The following EPHB2 variants were observed in gnomAD, a reference collection of about 807,000 sequenced individuals.
EPHB2 encodes the protein ephrin type-B receptor 2.
EPHB2 carries 18 observed loss-of-function variants against 96.4 expected under a neutral mutation model. The observed-to-expected ratio is 0.19, with a 90% confidence interval of 0.13 to 0.28. The LOEUF (loss-of-function observed/expected upper bound fraction) is 0.28. Among genes scored for constraint, EPHB2 ranks in the 10% least tolerant of loss-of-function variants. The pLI, the probability that EPHB2 is intolerant of heterozygous loss-of-function variation, is 1.00. For missense variants in EPHB2, 989 were observed against 1,355.4 expected, an observed-to-expected ratio of 0.73 and a Z score of 4.25; for synonymous variants, 506 against 534.1, an observed-to-expected ratio of 0.95 and a Z score of 0.72.
In EPHB2 at chr1:22,859,295, GGT is replaced by G. The variant is rs201063891; in HGVS notation, c.812-3740_812-3739del. 9.3e-3 allele frequency among the ~76,000 whole-genome samples: 1,183 copies of G among 127,250 alleles called. 49 individuals carry two copies. Among genetic ancestry groups the G allele is most frequent in the African/African-American group, 0.035 (996 of 28,134 alleles). The allele number at this position is 127,250 out of a possible 152,430, so 83.5% of individuals were successfully genotyped here. ...AAAGCCAGGGGTGTGGGGTGGGCCTGGTGGGGGGGGGGGTATTGTACCTAGGT... is the reference window on the plus strand; with the variant it reads ...AAAGCCAGGGGTGTGGGGTGGGCCTGGGGGGGGGGGGTATTGTACCTAGGT... On this transcript the variant is annotated intron_variant, in intron 3 of 15. Coordinates refer to ENST00000374630, the MANE Select transcript of EPHB2 (RefSeq NM_017449.5).
chr1:22,886,544 GAC>G (rs1266437667), intron 6 of EPHB2, among the ~76,000 whole-genome samples: 1 of 152,114 alleles, frequency 6.6e-6, no homozygotes, highest in Non-Finnish European at 1.5e-5. Flanking sequence ...GCTCCCAGGG[GAC>G]GCTAAGTGAG....
chr1:22,826,258 C>T (rs554967422), intron 3 of EPHB2, among the ~76,000 whole-genome samples: 5 of 152,234 alleles, frequency 3.3e-5, no homozygotes, highest in East Asian at 1.9e-4. Flanking sequence ...AAAAGGTGGG[C>T]GCACCTGCCT....
intron 1 of EPHB2, among the ~76,000 whole-genome samples, chr1:22,761,358 T>C (rs1248548993): frequency 1.3e-5 from 2 of 152,204 alleles, no homozygotes; most frequent in South Asian, 4.2e-4. Context: ...AATTATTATT[T>C]TGTACTTTAT....
intron 1 of EPHB2, among the ~76,000 whole-genome samples, chr1:22,753,361 C>A (rs546015482): frequency 6.6e-6 from 1 of 152,348 alleles, no homozygotes; most frequent in South Asian, 2.1e-4. Context: ...CACATCCTGG[C>A]CCGTGCTGGA....
chr1:22,762,971 G>A (rs1482453590), intron 1 of EPHB2, among the ~76,000 whole-genome samples: 5 of 152,100 alleles, frequency 3.3e-5, no homozygotes, highest in Non-Finnish European at 7.4e-5. Context: ...CCTATGACCA[G>A]CCACCACGCA....
At chr1:22,828,145 T>C (rs1645251406) in intron 3 of EPHB2, among the ~76,000 whole-genome samples, 1 of 152,132 alleles carries the variant, frequency 6.6e-6, no homozygotes, top group Non-Finnish European at 1.5e-5. Context: ...CCCACTCAGT[T>C]CTCTCTGGGT....
chr1:22,791,541 C>T (rs536620265), intron 3 of EPHB2, among the ~76,000 whole-genome samples: 15 of 144,104 alleles, frequency 1.0e-4, no homozygotes, highest in Non-Finnish European at 1.6e-4. Flanking sequence ...GTCTTGAACT[C>T]GTGGCCACAA....
rs1241623357 is a variant in EPHB2 at position 22,847,590 on chromosome 1, G to A, written c.812-15447G>A. On this transcript the variant is annotated intron_variant, in intron 3 of 15. Transcript: ENST00000374630. ...GAGGCCAGGGCAGGTGGGCTGGAGTGTGAGGGGCCCAGGGCCCAGGCAGGC... is the reference window on the plus strand; with the variant it reads ...GAGGCCAGGGCAGGTGGGCTGGAGTATGAGGGGCCCAGGGCCCAGGCAGGC... 5.9e-5 allele frequency among the ~76,000 whole-genome samples: 9 copies of A among 152,296 alleles called. No individual in the cohort carries two copies. The East Asian group carries it at 1.7e-3, about 29-fold the overall frequency.
At position 22,775,276 on chromosome 1, in the gene EPHB2, G is replaced by A. The variant is rs202005169; in HGVS notation, c.62-6145G>A. ...TCTCCTGTCTGGCCTCAGTTTCCTC[G>A]TCTGTGAAATGGGGTTAATAATAGT... On this transcript the variant is annotated intron_variant, in intron 1 of 15. Coordinates refer to ENST00000374630, the MANE Select transcript of EPHB2 (RefSeq NM_017449.5). 28 of 779,552 alleles carry A rather than the reference G, an allele frequency of 3.6e-5. 1 individual carries two copies. Among genetic ancestry groups the A allele is most frequent in the Middle Eastern group, 2.3e-4 (1 of 4,428 alleles). 48.3% of individuals were successfully genotyped at this position (779,552 alleles called of 1,614,324 possible). A position where few individuals can be genotyped will look rare whatever the true frequency, so the allele number is the denominator to read the frequency against.
Position 22,715,391 on chromosome 1 carries a change from G to T in EPHB2, c.61+4348G>T, listed in dbSNP as rs140372949. Among the ~76,000 whole-genome samples, 1,224 of 152,150 alleles carry T rather than the reference G, an allele frequency of 8.0e-3. 6 individuals carry two copies. The highest frequency in any genetic ancestry group is 0.014 in the Middle Eastern group (4 of 294). ...GACAAGTCCACTTCTGATGGGGGGT[G>T]GGGGAAGCCTGCCTCCCTCCCTCCC... On this transcript the variant is annotated intron_variant, in intron 1 of 15. Transcript: ENST00000374630.
chr1:22,885,185 C>T (rs1639184459), intron 6 of EPHB2, among the ~76,000 whole-genome samples: 3 of 151,942 alleles, frequency 2.0e-5, no homozygotes, highest in East Asian at 1.9e-4. Context: ...CTCTGCTCCC[C>T]GCAGCAGGAA....
intron 4 of EPHB2, 125 bp downstream of exon 4, chr1:22,863,317 G>T: frequency 6.7e-7 from 1 of 1,503,524 alleles, no homozygotes; most frequent in South Asian, 1.2e-5. Flanking sequence ...GAAGAGAAAT[G>T]GAAAAGTGCT....
chr1:22,771,848 A>G (rs1301392470), intron 1 of EPHB2, among the ~76,000 whole-genome samples: 2 of 152,198 alleles, frequency 1.3e-5, no homozygotes, highest in Non-Finnish European at 2.9e-5. Context: ...TGTGAGATGC[A>G]GCCTGGTATG....
chr1:22,745,769 T>G (rs768682237), intron 1 of EPHB2, among the ~76,000 whole-genome samples: 6 of 152,188 alleles, frequency 3.9e-5, no homozygotes, highest in Non-Finnish European at 7.4e-5. Flanking sequence ...TTTGTTGATG[T>G]CATTCAGCAA....
rs1214001334 is a variant in EPHB2 at position 22,915,297 on chromosome 1, T to C, written c.*1727T>C. 2 of 152,084 alleles carry C rather than the reference T, an allele frequency of 1.3e-5. No individual in the cohort carries two copies. The highest frequency in any genetic ancestry group is 2.9e-5 in the Non-Finnish European group (2 of 68,024). 9.4% of individuals were successfully genotyped at this position (152,084 alleles called of 1,614,324 possible). On this transcript the variant is annotated 3_prime_UTR_variant, in exon 16 of 16. Coordinates refer to ENST00000374630, the MANE Select transcript of EPHB2 (RefSeq NM_017449.5). ...CCAAGCAGAGCAATCAGTTAGTGAA[T>C]TGAATGGAAATAAACGCTTTAGTTA...
chr1:22,808,943 G>T (rs950394350), intron 3 of EPHB2, among the ~76,000 whole-genome samples: 1 of 152,212 alleles, frequency 6.6e-6, no homozygotes, highest in African/African-American at 2.4e-5. Flanking sequence ...TGGCCACCCT[G>T]CGGGCTGCTG....
In EPHB2 at chr1:22,731,426, T is replaced by C. The variant is rs375067459; in HGVS notation, c.61+20383T>C. 3.3e-5 allele frequency among the ~76,000 whole-genome samples: 5 copies of C among 152,338 alleles called. No individual in the cohort carries two copies. The East Asian group carries it at 5.8e-4, about 18-fold the overall frequency. On this transcript the variant is annotated intron_variant, in intron 1 of 15. Coordinates refer to ENST00000374630, the MANE Select transcript of EPHB2 (RefSeq NM_017449.5). ...TTCATGTCCTGGCACCAGCTCTTAC[T>C]AGGTGTGACTGTGGACAAGTTGCTT...
At chr1:22,806,857 A>T (rs1322534553) in intron 3 of EPHB2, among the ~76,000 whole-genome samples, 1 of 152,150 alleles carries the variant, frequency 6.6e-6, no homozygotes, top group Non-Finnish European at 1.5e-5. Flanking sequence ...CTGTTTGCAA[A>T]CACACAGCTG....
At chr1:22,881,652 T>C (rs1639048186) in intron 5 of EPHB2, among the ~76,000 whole-genome samples, 1 of 152,168 alleles carries the variant, frequency 6.6e-6, no homozygotes, top group South Asian at 2.1e-4. Context: ...TGGAGTGCAA[T>C]GGCATGATCT....
Sources: allele counts gnomAD v4.1 joint callset (sites outside exome capture counted in the v4.1 genomes callset), GRCh38; gene constraint gnomAD v4.1.1; transcripts MANE v1.5; gene names NCBI Gene and HGNC (gene_info 2026-07-23, HGNC 2026-07-21).